OR4K1: variants seen among roughly 807,000 people sequenced by gnomAD.
The protein encoded by OR4K1 is olfactory receptor family 4 subfamily K member 1, also known as olfactory receptor 4K1.
In OR4K1, 16 loss-of-function variants were observed where a neutral mutation model predicts 14.4. The observed-to-expected ratio is 1.11, with a 90% CI of 0.75 to 1.68. The LOEUF is 1.68. Ranked by LOEUF, OR4K1 falls within the 40% of genes most tolerant of loss-of-function variation. The pLI is 0.00. For missense variants in OR4K1, 548 were observed against 376.9 expected, an observed-to-expected ratio of 1.45 and a Z score of -3.76; for synonymous variants, 181 against 133.1, an observed-to-expected ratio of 1.36 and a Z score of -2.48.
At chr14:19,921,665 A>T in the OR4K1 span, 1 of 1,328,178 alleles carries the variant, frequency 7.5e-7, no homozygotes, top group Non-Finnish European at 1.0e-6. Flanking sequence ...TGGGGAAAGT[A>T]GTGAAGAAGA....
rs1390654151 is a variant in OR4K1, at chr14:19,935,950, A to T, written c.284A>T (p.Glu95Val). The T allele has an allele frequency of 6.2e-7, 1 of 1,614,062 alleles. No individual in the cohort carries two copies. Among genetic ancestry groups the T allele is most frequent in the African/African-American group, 1.3e-5 (1 of 74,932 alleles). ...ATTGAGCGCAAGACTATCTCCTTTG[A>T]GGGTTGCATGGCCCAGATATTCGTT... The part of the protein sequence containing the change: ...FFIERKTISF[E>V]GCMAQIFVLH... Residue 95 changes from glutamate to valine, a missense_variant, in exon 2 of 2, where the codon GAG becomes GTG. Transcript: ENST00000641172.
the OR4K1 span, among the ~76,000 whole-genome samples, chr14:19,924,347 C>T: frequency 8.1e-5 from 11 of 135,514 alleles, no homozygotes; most frequent in African/African-American, 3.1e-4. Context: ...TTGTGGTGAG[C>T]CGAGATCGCG....
chr14:19,933,022 A>T (rs1224405705), intron 1 of OR4K1, among the ~76,000 whole-genome samples: 1 of 151,128 alleles, frequency 6.6e-6, no homozygotes, highest in Non-Finnish European at 1.5e-5. Flanking sequence ...TATATAAAGC[A>T]TGTATTCTAA....
At chr14:19,920,408 T>C in the OR4K1 span, among the ~76,000 whole-genome samples, 2 of 152,228 alleles carry the variant, frequency 1.3e-5, no homozygotes, top group Non-Finnish European at 2.9e-5. Flanking sequence ...TATTTAGACA[T>C]TTACATAAGT....
chr14:19,920,932 G>C, the OR4K1 span: 1 of 1,614,170 alleles, frequency 6.2e-7, no homozygotes, highest in Non-Finnish European at 8.5e-7. Context: ...CTTTTTACTG[G>C]AGGGGAGATG....
chr14:19,924,210 G>C, the OR4K1 span, among the ~76,000 whole-genome samples: 2 of 152,132 alleles, frequency 1.3e-5, no homozygotes, highest in Admixed American at 1.3e-4. Flanking sequence ...AGACCAGCCT[G>C]ACCAACATAG....
chr14:19,936,159 G>T lies in OR4K1; in HGVS notation c.493G>T (p.Asp165Tyr). Residue 165 changes from aspartate to tyrosine, a missense_variant, in exon 2 of 2, where the codon GAC (aspartate) becomes TAC (tyrosine). Coordinates refer to ENST00000641172, the MANE Select transcript of OR4K1 (RefSeq NM_001004063.3). Reference protein sequence around the residue: ...HSVSHLAFTVDLPFCGPNEVD... With the variant: ...HSVSHLAFTVYLPFCGPNEVD... ...TGTGAGCCACTTGGCTTTTACAGTGGACCTGCCATTCTGTGGTCCCAATGA... is the reference window on the plus strand; with the variant it reads ...TGTGAGCCACTTGGCTTTTACAGTGTACCTGCCATTCTGTGGTCCCAATGA... 6.2e-7 allele frequency: 1 copy of T among 1,614,214 alleles called. No individual in the cohort carries two copies. Among genetic ancestry groups the T allele is most frequent in the Non-Finnish European group, 8.5e-7 (1 of 1,180,042 alleles).
the OR4K1 span, among the ~76,000 whole-genome samples, chr14:19,922,077 CCA>C: frequency 1.4e-4 from 18 of 129,544 alleles, no homozygotes; most frequent in Non-Finnish European, 1.8e-4. Flanking sequence ...ACTCCCCCCC[CCA>C]AAAATCAATT....
chr14:19,920,771 G>T, the OR4K1 span: 11 of 1,614,026 alleles, frequency 6.8e-6, no homozygotes, highest in Non-Finnish European at 6.8e-6. Context: ...ATACCAGCCT[G>T]CACTCCCCTA....
intron 1 of OR4K1, among the ~76,000 whole-genome samples, chr14:19,933,145 CATT>C (rs1882223856): frequency 6.6e-6 from 1 of 151,528 alleles, no homozygotes; most frequent in African/African-American, 2.4e-5. Flanking sequence ...TATAATGGTT[CATT>C]ATTATTACAG....
At chr14:19,920,591 T>C in the OR4K1 span, 432 of 1,580,944 alleles carry the variant, frequency 2.7e-4, 3 homozygotes, top group Middle Eastern at 1.9e-3. Flanking sequence ...TCAGAACAAG[T>C]TTGCAGCTTG....
the OR4K1 span, chr14:19,920,905 A>T: frequency 6.2e-7 from 1 of 1,614,172 alleles, no homozygotes; most frequent in Non-Finnish European, 8.5e-7. Context: ...TGCATAGCCC[A>T]AATTTTCTTT....
chr14:19,936,152 T>C lies in OR4K1; in HGVS notation c.486T>C (p.Phe162=), dbSNP rs1421836168. 5.0e-6 allele frequency: 8 copies of C among 1,614,264 alleles called. No homozygotes were observed. The highest frequency in any genetic ancestry group is 6.8e-6 in the Non-Finnish European group (8 of 1,180,042). ...GVLHSVSHLA[F]TVDLPFCGPN... ...TTCATTCTGTGAGCCACTTGGCTTTTACAGTGGACCTGCCATTCTGTGGTC... is the reference window on the plus strand; with the variant it reads ...TTCATTCTGTGAGCCACTTGGCTTTCACAGTGGACCTGCCATTCTGTGGTC... The change falls in exon 2 of 2, where the codon TTT becomes TTC. Residue 162 remains phenylalanine (F), a synonymous_variant. Transcript: ENST00000641172.
chr14:19,932,947 A>T (rs999036972), intron 1 of OR4K1, among the ~76,000 whole-genome samples: 2 of 147,922 alleles, frequency 1.4e-5, no homozygotes, highest in Non-Finnish European at 3.0e-5. Context: ...TGCTTTATAT[A>T]AAAATAATAA....
At chr14:19,935,599 G>A in intron 1 of OR4K1, 49 bp from the exon 2 acceptor site, 3 of 1,273,096 alleles carry the variant, frequency 2.4e-6, no homozygotes, top group South Asian at 1.4e-5. Context: ...TAAACTAGAG[G>A]TATTGTAATG....
the OR4K1 span, chr14:19,920,763 A>G: frequency 6.2e-7 from 1 of 1,614,168 alleles, no homozygotes. Flanking sequence ...GACTTCTGAT[A>G]CCAGCCTGCA....
the OR4K1 span, chr14:19,920,987 C>A: frequency 6.2e-7 from 1 of 1,614,184 alleles, no homozygotes; most frequent in Admixed American, 1.7e-5. Flanking sequence ...TAGCCATATG[C>A]AAACCCTTAT....
chr14:19,935,476 G>T, intron 1 of OR4K1, 172 bp from the exon 2 acceptor site: 1 of 525,562 alleles, frequency 1.9e-6, no homozygotes, highest in Non-Finnish European at 3.2e-6. Flanking sequence ...AACTTTCATA[G>T]CAGTCATGGA....
At chr14:19,934,517 A>G (rs1218555684) in intron 1 of OR4K1, among the ~76,000 whole-genome samples, 1 of 152,264 alleles carries the variant, frequency 6.6e-6, no homozygotes, top group Non-Finnish European at 1.5e-5. Flanking sequence ...ATTGCTTTCT[A>G]TGTGACAGAA....
Sources: gnomAD v4.1 joint callset for allele counts (sites outside exome capture counted in the v4.1 genomes callset) on GRCh38, gnomAD v4.1.1 for gene constraint, MANE v1.5 for transcripts, NCBI Gene and HGNC (gene_info 2026-07-23, HGNC 2026-07-21) for gene names.